USP20: variants seen among roughly 807,000 people sequenced by gnomAD.
USP20 encodes ubiquitin carboxyl-terminal hydrolase 20.
Under a neutral mutation model 124.2 loss-of-function variants are expected in USP20, and 80 were observed. That is an observed-to-expected ratio of 0.64 (90% CI 0.54 to 0.78). The LOEUF (loss-of-function observed/expected upper bound fraction) is 0.78. Ranked by LOEUF, USP20 falls within the 30% of genes least tolerant of loss-of-function variation. The probability of loss-of-function intolerance (pLI) is 0.00; values close to 1 mark genes in which losing one functional copy is unlikely to be tolerated. For synonymous variants in USP20, 481 were observed against 512.3 expected (o/e 0.94, Z 0.83); for missense variants, 1,043 against 1,244.4 (o/e 0.84, Z 2.44).
chr9:129,850,652 T>TG (rs534633130), intron 2 of USP20, among the ~76,000 whole-genome samples: 4 of 151,340 alleles, frequency 2.6e-5, no homozygotes, highest in South Asian at 2.1e-4. Flanking sequence ...TTTTTGTTTT[T>TG]TGTGTGTGTG....
intron 1 of USP20, among the ~76,000 whole-genome samples, 184 bp from the exon 2 acceptor site, chr9:129,849,629 G>C (rs2131045581): frequency 6.6e-6 from 1 of 152,256 alleles, no homozygotes; most frequent in Non-Finnish European, 1.5e-5. Context: ...TGGGTGTGGT[G>C]GTGCACACCT....
In USP20 at chr9:129,873,925, A is replaced by G. The variant is rs116215886; in HGVS notation, c.1740+181A>G. ...GGTTGGCAGGGGGCACATTTTTCCA[A>G]CTGTGACTTGGTGCCCTCTCTCGGT... On this transcript the variant is annotated intron_variant, in intron 17 of 25. Coordinates refer to ENST00000372429, the MANE Select transcript of USP20 (RefSeq NM_001110303.4). Among the ~76,000 whole-genome samples the G allele has an allele frequency of 7.0e-3, 1,056 of 151,590 alleles. 12 individuals are homozygous for G. The highest frequency in any genetic ancestry group is 0.024 in the African/African-American group (995 of 41,314).
Position 129,858,457 on chromosome 9 carries a change from C to A in USP20, c.199-10C>A. ...GTGCCCTGGACCTTGTTTTGGATATCACCCTCTAGGCAAAAAAGCACAACT... is the reference window on the plus strand; with the variant it reads ...GTGCCCTGGACCTTGTTTTGGATATAACCCTCTAGGCAAAAAAGCACAACT... On this transcript the variant is annotated splice_polypyrimidine_tract_variant and intron_variant, in intron 5 of 25. Transcript: ENST00000372429. The A allele has an allele frequency of 6.2e-7, 1 of 1,614,078 alleles. No homozygotes were observed. The highest frequency in any genetic ancestry group is 8.5e-7 in the Non-Finnish European group (1 of 1,179,994).
intron 10 of USP20, among the ~76,000 whole-genome samples, chr9:129,866,644 G>A (rs897043694): frequency 3.9e-5 from 6 of 152,190 alleles, no homozygotes; most frequent in African/African-American, 9.7e-5. Flanking sequence ...TCTGGGCTCC[G>A]GCAGAAGCAT....
At chr9:129,871,403 C>T (rs960319067) in intron 15 of USP20, among the ~76,000 whole-genome samples, 18 of 152,152 alleles carry the variant, frequency 1.2e-4, no homozygotes, top group Non-Finnish European at 2.4e-4. Context: ...ATGGCTGGGG[C>T]CTTTCTGCTT....
chr9:129,879,341 G>A lies in USP20; in HGVS notation c.2513-232G>A, dbSNP rs968563621. 5 of 535,158 alleles carry A rather than the reference G, an allele frequency of 9.3e-6. No homozygotes were observed. The highest frequency in any genetic ancestry group is 3.1e-5 in the East Asian group (1 of 32,408). The allele number at this position is 535,158 out of a possible 1,614,324, so 33.2% of individuals were successfully genotyped here. ...GAGATAAGGGCATGGGCCATCCACCGCAGCTCCTGCGGCCAGCACAGAGTC... is the reference window on the plus strand; with the variant it reads ...GAGATAAGGGCATGGGCCATCCACCACAGCTCCTGCGGCCAGCACAGAGTC... On this transcript the variant is annotated intron_variant, in intron 23 of 25. Transcript: ENST00000372429. The surrounding 1 kb of genome is among the most constrained non-coding windows in gnomAD (Gnocchi z 4.2).
At position 129,868,935 on chromosome 9, in the gene USP20, C is replaced by A; in HGVS notation, c.1209C>A (p.Ala403=). 6.2e-7 allele frequency: 1 copy of A among 1,612,820 alleles called. No homozygotes were observed. The highest frequency in any genetic ancestry group is 1.1e-5 in the South Asian group (1 of 90,900). The change falls in exon 12 of 26, where the codon GCC becomes GCA. Residue 403 remains alanine, a synonymous_variant. Transcript: ENST00000372429. The part of the protein sequence containing the change: ...CSPVHHHEGH[A]KLSSSPPRAS... ...CCGTCCACCACCACGAGGGCCATGC[C>A]AAGCTGTCTAGCAGCCCCCCTCGTG...
In USP20 at chr9:129,865,381, G is replaced by C. The variant is rs1448366495; in HGVS notation, c.690G>C (p.Gln230His). Residue 230 changes from glutamine (Q) to histidine (H), a missense_variant and splice_region_variant, in exon 10 of 26, where the codon CAG becomes CAC. Coordinates refer to ENST00000372429, the MANE Select transcript of USP20 (RefSeq NM_001110303.4). ...CAATGTTCCGAGGCTATGCCCAGCA[G>C]GTAAGCCATCTGAGCTGCCCAGGGG... ...VNPMFRGYAQ[Q>H]DTQEFLRCLM... 6.2e-7 allele frequency: 1 copy of C among 1,614,140 alleles called. No homozygotes were observed. The highest frequency in any genetic ancestry group is 1.7e-5 in the Admixed American group (1 of 60,034).
At chr9:129,843,095 A>G (rs1410878257) in intron 1 of USP20, among the ~76,000 whole-genome samples, 9 of 151,762 alleles carry the variant, frequency 5.9e-5, no homozygotes, top group Admixed American at 4.6e-4. Context: ...TAGAGCCTTC[A>G]AAGCACACAT....
intron 1 of USP20, among the ~76,000 whole-genome samples, chr9:129,840,728 A>G (rs951586781): frequency 2.7e-5 from 4 of 150,416 alleles, no homozygotes; most frequent in African/African-American, 9.8e-5. Flanking sequence ...TAAGGATATT[A>G]TCATACATAA....
intron 15 of USP20, among the ~76,000 whole-genome samples, chr9:129,872,778 C>G (rs540535588): frequency 6.6e-6 from 1 of 152,080 alleles, no homozygotes; most frequent in Non-Finnish European, 1.5e-5. Flanking sequence ...CCAGCTACTC[C>G]GGAGGCTGAG....
intron 1 of USP20, among the ~76,000 whole-genome samples, chr9:129,845,050 C>A (rs1003504464): frequency 2.0e-5 from 3 of 152,190 alleles, no homozygotes; most frequent in Non-Finnish European, 2.9e-5. Context: ...AGTCTCATAA[C>A]CTGGTCTCTA....
In USP20 at chr9:129,876,149, G is replaced by T. The variant is rs750453523; in HGVS notation, c.2320G>T (p.Val774Leu). Residue 774 changes from valine (V) to leucine (L), a missense_variant, in exon 22 of 26, where the codon GTG becomes TTG. Physicochemically the swap from Val to Leu is conservative, Grantham distance 32. Transcript: ENST00000372429. ...LYNRFGGGPA[V>L]NHLYVCSICQ... ...GCACAGATTCGGGGGTGGCCCCGCC[G>T]TGAACCACCTGTACGTGTGCTCCAT... is the stretch of plus-strand genomic sequence containing the variant. 5 of 1,613,216 alleles carry T rather than the reference G, an allele frequency of 3.1e-6. No individual in the cohort carries two copies. In the South Asian group the frequency reaches 4.4e-5, roughly 14 times the overall value.
chr9:129,873,533 C>T lies in USP20; in HGVS notation c.1694+18C>T, dbSNP rs756684235. 6.6e-5 allele frequency: 107 copies of T among 1,614,082 alleles called. No homozygotes were observed. Among genetic ancestry groups the T allele is most frequent in the Middle Eastern group, 3.3e-4 (2 of 6,084 alleles). ...TGTAAGAAGTAAGTGAGCCTTCCCC[C>T]GCCTTCTCCCTAACTGCCGTTTCTG... On this transcript the variant is annotated intron_variant, in intron 16 of 25. Transcript: ENST00000372429.
In USP20 at chr9:129,868,117, C is replaced by T. The variant is rs1390765765; in HGVS notation, c.803C>T (p.Thr268Met). The T allele has an allele frequency of 1.2e-5, 19 of 1,614,034 alleles. No individual in the cohort carries two copies. The highest frequency in any genetic ancestry group is 4.5e-5 in the East Asian group (2 of 44,892). The change falls in exon 11 of 26, where the codon ACG becomes ATG. Residue 268 changes from threonine (T) to methionine (M), a missense_variant. By Grantham distance (81) the Thr-to-Met change is moderately conservative. Coordinates refer to ENST00000372429, the MANE Select transcript of USP20 (RefSeq NM_001110303.4). ...TEARDSDSSD[T>M]DEKREGDRSP... ...GCTCGGGACTCAGATTCGAGTGACA[C>T]GGATGAGAAACGGGAGGGTGACCGG...
intron 6 of USP20, among the ~76,000 whole-genome samples, chr9:129,859,674 A>G (rs1481259003): frequency 2.0e-5 from 3 of 152,176 alleles, no homozygotes. Flanking sequence ...ATTTTTATAG[A>G]AAAGGCTATA....
At chr9:129,869,174 A>T (rs1321937482) in intron 12 of USP20, 136 bp from the exon 13 acceptor site, 1 of 1,319,358 alleles carries the variant, frequency 7.6e-7, no homozygotes, top group African/African-American at 1.4e-5. Flanking sequence ...ACACAGAGGC[A>T]TGAGATGGTG....
chr9:129,845,725 C>T (rs541596825), intron 1 of USP20, among the ~76,000 whole-genome samples: 149 of 151,868 alleles, frequency 9.8e-4, no homozygotes, highest in African/African-American at 3.5e-3. Flanking sequence ...GATTATAACA[C>T]AGTCATTCAG....
chr9:129,835,636 ACCCCCC>A (rs1295174307), intron 1 of USP20, 137 bp downstream of exon 1: 1 of 150,838 alleles, frequency 6.6e-6, no homozygotes, highest in African/African-American at 2.5e-5. Context: ...GGAGCCCGGG[ACCCCCC>A]CGGCCGCCGC....
Sources: allele counts gnomAD v4.1 joint callset (sites outside exome capture counted in the v4.1 genomes callset), GRCh38; gene constraint gnomAD v4.1.1; non-coding constraint Gnocchi (gnomAD v3.1); transcripts MANE v1.5; gene names NCBI Gene and HGNC (gene_info 2026-07-23, HGNC 2026-07-21).